Variants in OFD1 observed in about 807,000 individuals in gnomAD.
The protein encoded by OFD1 is OFD1 centriole and centriolar satellite protein.
OFD1 carries 12 observed loss-of-function variants against 81.4 expected under a neutral mutation model. The observed-to-expected ratio is 0.15, with a 90% CI of 0.09 to 0.24. OFD1 has a LOEUF of 0.24. OFD1 is among the 10% of genes least tolerant of loss of function. The pLI is 1.00. For synonymous variants in OFD1, 256 were observed against 263.7 expected (o/e 0.97, Z 0.28); for missense variants, 685 against 733.9 (o/e 0.93, Z 0.77).
the OFD1 span, among the ~76,000 whole-genome samples, chrX:13,718,568 G>C: frequency 1.8e-5 from 2 of 112,236 alleles, no homozygotes; most frequent in African/African-American, 3.2e-5. Context: ...AGCAGTACTG[G>C]TACAGAGATA....
Position 13,764,927 on chromosome X carries a change from G to C in OFD1, c.2599+1072G>C, listed in dbSNP as rs143594730. 1.1e-3 allele frequency among the ~76,000 whole-genome samples: 123 copies of C among 111,478 alleles called. No individual in the cohort carries two copies. The East Asian group carries it at 0.019, about 18-fold the overall frequency. On this transcript the variant is annotated intron_variant, in intron 19 of 22. Coordinates refer to ENST00000340096, the MANE Select transcript of OFD1 (RefSeq NM_003611.3). Reference sequence around the variant, plus strand: ...CAGGCCATCACCCAGGACCGCAGCAGGGAGGGGCTGCAGCAGCTGAGTAGG... The same window carrying C: ...CAGGCCATCACCCAGGACCGCAGCACGGAGGGGCTGCAGCAGCTGAGTAGG...
At chrX:13,741,978 G>A (rs964416189) in intron 5 of OFD1, among the ~76,000 whole-genome samples, 1 of 111,936 alleles carries the variant, frequency 8.9e-6, no homozygotes, top group Admixed American at 9.5e-5. Flanking sequence ...GCAGGTTACG[G>A]GGGTTACAAT....
Position 13,738,888 on chromosome X carries a change from C to A in OFD1, c.355C>A (p.Pro119Thr), listed in dbSNP as rs202103941. 1.2e-4 allele frequency: 141 copies of A among 1,191,835 alleles called. No homozygotes were observed. Among genetic ancestry groups the A allele is most frequent in the Non-Finnish European group, 1.5e-4 (132 of 880,105 alleles). ...TCTATTACAACTCATTAAAATCAAC[C>A]CTACTTCCAGTCTCTACAAATCACT... ...QDLLQLIKIN[P>T]TSSLYKSLVS... Residue 119 changes from proline (P) to threonine (T), a missense_variant, in exon 4 of 23, where the codon CCT (proline) becomes ACT (threonine). This residue lies in a region of OFD1 where 414 missense variants were observed against 447.2 expected (regional missense o/e 0.93). Coordinates refer to ENST00000340096, the MANE Select transcript of OFD1 (RefSeq NM_003611.3).
chrX:13,740,279 T>C, intron 5 of OFD1: 1 of 625,494 alleles, frequency 1.6e-6, no homozygotes, highest in South Asian at 2.3e-5. Flanking sequence ...TATGGAAATG[T>C]CTGTGTCTAT....
In OFD1 at chrX:13,760,489, G is replaced by A; in HGVS notation, c.2029G>A (p.Glu677Lys). The A allele has an allele frequency of 8.6e-7, 1 of 1,168,432 alleles. No homozygotes were observed. The change falls in exon 16 of 23, where the codon GAA becomes AAA. Residue 677 changes from glutamate to lysine, a missense_variant. Glu to Lys is a moderately conservative substitution (Grantham distance 56). This residue lies in a region of OFD1 where 259 missense variants were observed against 254.4 expected (regional missense o/e 1.02). Coordinates refer to ENST00000340096, the MANE Select transcript of OFD1 (RefSeq NM_003611.3). ...AKSPPSLHLLEAFKNITSSSP... is the reference protein window; with the variant it reads ...AKSPPSLHLLKAFKNITSSSP... ...GAGCCCACCATCTCTGCACTTGCTG[G>A]AAGCCTTCAAAAACATTACTTCCAG...
At chrX:13,765,884 A>G (rs2048106794) in intron 19 of OFD1, among the ~76,000 whole-genome samples, 1 of 112,297 alleles carries the variant, frequency 8.9e-6, no homozygotes, top group Non-Finnish European at 1.9e-5. Context: ...GGTACAAGAT[A>G]TCCTGCAAGT....
intron 19 of OFD1, among the ~76,000 whole-genome samples, chrX:13,764,302 C>G (rs1194000564): frequency 1.8e-5 from 2 of 112,382 alleles, no homozygotes; most frequent in East Asian, 5.6e-4. Flanking sequence ...ATTTATTTTT[C>G]TATCTACTTG....
chrX:13,765,942 G>A (rs1450868958), intron 19 of OFD1, among the ~76,000 whole-genome samples: 1 of 112,089 alleles, frequency 8.9e-6, no homozygotes, highest in Non-Finnish European at 1.9e-5. Context: ...GGAGGAGGTG[G>A]CATTTCAGTT....
At chrX:13,733,703 T>G (rs1238999491), upstream of OFD1, among the ~76,000 whole-genome samples, 2 of 111,618 alleles carry the variant, frequency 1.8e-5, no homozygotes, top group Non-Finnish European at 3.8e-5. Context: ...AGCACACAAC[T>G]CTGGAGTCAG....
upstream of OFD1, among the ~76,000 whole-genome samples, chrX:13,733,881 T>C (rs1327614735): frequency 2.7e-5 from 3 of 111,763 alleles, no homozygotes; most frequent in Admixed American, 2.8e-4. Flanking sequence ...ATGATCTGGA[T>C]CACTTCCATC....
the OFD1 span, among the ~76,000 whole-genome samples, chrX:13,717,098 T>G: frequency 1.1e-5 from 1 of 90,047 alleles, no homozygotes; most frequent in South Asian, 6.2e-4. Flanking sequence ...CCATTCACAC[T>G]AGGCCTCAAG....
chrX:13,742,617 G>A (rs997264075), intron 5 of OFD1, among the ~76,000 whole-genome samples: 2 of 111,784 alleles, frequency 1.8e-5, no homozygotes, highest in Admixed American at 9.4e-5. Context: ...TCTGCCTCCT[G>A]GGTTCAAGTG....
chrX:13,747,728 GA>G (rs2146973488), intron 8 of OFD1, among the ~76,000 whole-genome samples: 1 of 111,574 alleles, frequency 9.0e-6, no homozygotes, highest in South Asian at 3.8e-4. Flanking sequence ...GTGGAGACTA[GA>G]AACCAAATGC....
chrX:13,754,278 A>T (rs1298062618), intron 11 of OFD1, among the ~76,000 whole-genome samples: 2 of 108,691 alleles, frequency 1.8e-5, no homozygotes, highest in African/African-American at 6.7e-5. Flanking sequence ...ACCACGCCCG[A>T]CCCATTTCAA....
Position 13,734,814 on chromosome X carries a change from C to G in OFD1, c.-258C>G. The G allele has an allele frequency of 9.3e-7, 1 of 1,075,934 alleles. No individual in the cohort carries two copies. Among genetic ancestry groups the G allele is most frequent in the Non-Finnish European group, 1.2e-6 (1 of 835,705 alleles). The allele number at this position is 1,075,934 out of a possible 1,213,427, so 88.7% of individuals were successfully genotyped here. ...AGTGTCTGGGTCCCCGCCCTCCAGC[C>G]GCCTTTGAGTCGTGCCTGGGTCCTC... On this transcript the variant is annotated 5_prime_UTR_variant, in exon 1 of 23. Transcript: ENST00000340096.
In OFD1 at chrX:13,755,946, C is replaced by CTTTTTTTTTTTTTTTTTTTTT. The variant is rs34300430; in HGVS notation, c.1222-630_1222-610dup. On this transcript the variant is annotated intron_variant, in intron 12 of 22. Transcript: ENST00000340096. ...ACAGAATCTTTTTTCCTTTCTTTCC[C>CTTTTTTTTTTTTTTTTTTTTT]TTTTTTTTTTTTTTTTTTTTTTGAG... 4.6e-4 allele frequency among the ~76,000 whole-genome samples: 30 copies of CTTTTTTTTTTTTTTTTTTTTT among 65,091 alleles called. 1 individual carries two copies. The highest frequency in any genetic ancestry group is 2.0e-3 in the African/African-American group (30 of 15,216). The allele number at this position is 65,091 out of a possible 115,157, so 56.5% of individuals were successfully genotyped here.
chrX:13,766,255 G>A (rs1267097047), intron 19 of OFD1, among the ~76,000 whole-genome samples: 2 of 112,006 alleles, frequency 1.8e-5, no homozygotes, highest in Non-Finnish European at 3.8e-5. Flanking sequence ...ACCACAGGTT[G>A]TTGGAAGGCA....
intron 6 of OFD1, among the ~76,000 whole-genome samples, chrX:13,745,443 A>G (rs1455773487): frequency 8.9e-6 from 1 of 112,467 alleles, no homozygotes; most frequent in East Asian, 2.7e-4. Context: ...TGTCTTTGAA[A>G]TCTCATGTGT....
intron 17 of OFD1, 49 bp downstream of exon 17, chrX:13,761,260 G>C: frequency 8.6e-7 from 1 of 1,167,456 alleles, no homozygotes; most frequent in South Asian, 1.8e-5. Context: ...AATGTTACTT[G>C]CTCTGTCAGC....
Sources: allele counts gnomAD v4.1 joint callset (sites outside exome capture counted in the v4.1 genomes callset), GRCh38; gene constraint gnomAD v4.1.1; regional missense constraint gnomAD v4.1.1; transcripts MANE v1.5; gene names NCBI Gene and HGNC (gene_info 2026-07-23, HGNC 2026-07-21).